FSTL4: variants seen among roughly 807,000 people sequenced by gnomAD.
FSTL4 encodes the protein follistatin-related protein 4.
A neutral mutation model predicts 78.2 loss-of-function variants in FSTL4; 28 were observed. The observed-to-expected ratio is 0.36, with a 90% CI of 0.27 to 0.49. FSTL4 has a LOEUF of 0.49. Among genes scored for constraint, FSTL4 ranks in the 20% least tolerant of loss-of-function variants. The probability of loss-of-function intolerance (pLI) is 0.98; values close to 1 mark genes in which losing one functional copy is unlikely to be tolerated. For missense variants in FSTL4, 922 were observed against 1,084.9 expected, an observed-to-expected ratio of 0.85 and a Z score of 2.11; for synonymous variants, 422 against 440.5, an observed-to-expected ratio of 0.96 and a Z score of 0.53.
At chr5:133,237,814 C>T (rs182874799) in intron 7 of FSTL4, among the ~76,000 whole-genome samples, 66 of 151,410 alleles carry the variant, frequency 4.4e-4, no homozygotes, top group East Asian at 1.9e-3. Context: ...CTGCTATCAA[C>T]GCTTGATTGC....
At chr5:133,751,014 TC>T in the FSTL4 span, among the ~76,000 whole-genome samples, 1 of 151,746 alleles carries the variant, frequency 6.6e-6, no homozygotes. Context: ...ACCCTCCCTG[TC>T]CCCCCAGCTT....
intron 3 of FSTL4, among the ~76,000 whole-genome samples, chr5:133,560,669 T>A (rs1759891779): frequency 6.6e-6 from 1 of 151,328 alleles, no homozygotes; most frequent in Admixed American, 6.6e-5. Flanking sequence ...CGGTCGTTTG[T>A]CTTTAAGTTC....
chr5:133,730,319 C>CAACTATTT, the FSTL4 span, among the ~76,000 whole-genome samples: 1 of 152,172 alleles, frequency 6.6e-6, no homozygotes, highest in African/African-American at 2.4e-5. Flanking sequence ...AAAGAAGAGC[C>CAACTATTT]AACTATTTTT....
At chr5:133,822,067 C>T in the FSTL4 span, among the ~76,000 whole-genome samples, 1 of 152,158 alleles carries the variant, frequency 6.6e-6, no homozygotes, top group East Asian at 1.9e-4. Flanking sequence ...CTCTGCATTG[C>T]AAGAACAAAG....
chr5:133,613,888 C>T (rs1321851906), upstream of FSTL4, among the ~76,000 whole-genome samples: 1 of 152,218 alleles, frequency 6.6e-6, no homozygotes, highest in East Asian at 1.9e-4. Flanking sequence ...CAGTGTGATC[C>T]TCTCTCAGAT....
At chr5:133,554,763 T>C (rs1759755271) in intron 3 of FSTL4, among the ~76,000 whole-genome samples, 1 of 152,226 alleles carries the variant, frequency 6.6e-6, no homozygotes, top group African/African-American at 2.4e-5. Flanking sequence ...TGAATTATCT[T>C]GTTCATTAGA....
intron 7 of FSTL4, among the ~76,000 whole-genome samples, chr5:133,234,603 C>T (rs1751599966): frequency 6.6e-6 from 1 of 152,190 alleles, no homozygotes; most frequent in African/African-American, 2.4e-5. Flanking sequence ...CCAAACATTT[C>T]CCAGGATATG....
At chr5:133,596,217 G>C (rs1760734605) in intron 2 of FSTL4, among the ~76,000 whole-genome samples, 1 of 116,234 alleles carries the variant, frequency 8.6e-6, no homozygotes. Context: ...GCCTGAGCAG[G>C]GGAAGAGACG....
the FSTL4 span, among the ~76,000 whole-genome samples, chr5:133,776,155 T>C: frequency 6.6e-6 from 1 of 152,164 alleles, no homozygotes; most frequent in African/African-American, 2.4e-5. Flanking sequence ...TACCCTGCTC[T>C]GTGCTCTGGG....
At chr5:133,595,416 T>C (rs1760718022) in intron 2 of FSTL4, among the ~76,000 whole-genome samples, 1 of 152,246 alleles carries the variant, frequency 6.6e-6, no homozygotes. Flanking sequence ...TAGTAAAAGA[T>C]GGCTGACTCG....
At chr5:133,218,597 G>A (rs1357086888) in intron 12 of FSTL4, among the ~76,000 whole-genome samples, 1 of 152,188 alleles carries the variant, frequency 6.6e-6, no homozygotes, top group Non-Finnish European at 1.5e-5. Context: ...CCATGGGCGT[G>A]CTCAGCACTC....
chr5:133,211,087 T>C (rs1249588011), intron 13 of FSTL4: 1 of 152,248 alleles, frequency 6.6e-6, no homozygotes, highest in Admixed American at 6.5e-5. Context: ...GGGCAGTTTC[T>C]ATCTTGCACA....
intron 6 of FSTL4, among the ~76,000 whole-genome samples, chr5:133,276,478 C>T (rs1224948233): frequency 1.3e-5 from 2 of 152,154 alleles, no homozygotes; most frequent in Admixed American, 6.5e-5. Flanking sequence ...GTGTCCCTGA[C>T]CCAAAGGCAG....
chr5:133,358,893 C>A (rs1198616608), intron 4 of FSTL4, among the ~76,000 whole-genome samples: 1 of 152,122 alleles, frequency 6.6e-6, no homozygotes. Context: ...CAAAACAGCA[C>A]ATACTCCCTG....
intron 6 of FSTL4, among the ~76,000 whole-genome samples, chr5:133,307,685 T>C (rs11750486): frequency 0.53 from 80,954 of 151,894 alleles, 23,325 homozygotes; most frequent in Middle Eastern, 0.67. Flanking sequence ...GAAGTGGGCT[T>C]CTTGAAGCCC....
At chr5:133,651,875 A>G in the FSTL4 span, among the ~76,000 whole-genome samples, 1 of 151,986 alleles carries the variant, frequency 6.6e-6, no homozygotes, top group Non-Finnish European at 1.5e-5. Flanking sequence ...TTTTTCCTTA[A>G]ATGTTTGATA....
At chr5:133,711,958 G>C in the FSTL4 span, among the ~76,000 whole-genome samples, 1 of 152,138 alleles carries the variant, frequency 6.6e-6, no homozygotes, top group Non-Finnish European at 1.5e-5. Flanking sequence ...TGGGAAAACT[G>C]ATGACAGCTC....
At chr5:133,450,889 T>C (rs1004601350) in intron 3 of FSTL4, among the ~76,000 whole-genome samples, 14 of 152,024 alleles carry the variant, frequency 9.2e-5, no homozygotes, top group African/African-American at 3.1e-4. Context: ...CAGCCCTTAG[T>C]ACATGCTGGA....
intron 3 of FSTL4, among the ~76,000 whole-genome samples, chr5:133,523,138 C>T (rs770521396): frequency 3.3e-5 from 5 of 152,200 alleles, no homozygotes; most frequent in Admixed American, 6.5e-5. Context: ...TAAGAAGAGA[C>T]GCCAGCCGTC....
Sources: gnomAD v4.1 joint callset for allele counts (sites outside exome capture counted in the v4.1 genomes callset) on GRCh38, gnomAD v4.1.1 for gene constraint, MANE v1.5 for transcripts, NCBI Gene and HGNC (gene_info 2026-07-23, HGNC 2026-07-21) for gene names.